The following MCTP1 variants were observed in gnomAD, a reference collection of about 807,000 sequenced individuals.
The protein encoded by MCTP1 is multiple C2 and transmembrane domain containing 1, also known as multiple C2 and transmembrane domain-containing protein 1.
In MCTP1, 69 loss-of-function variants were observed where a neutral mutation model predicts 120.6. The observed-to-expected ratio is 0.57, with a 90% CI of 0.47 to 0.70. The LOEUF (loss-of-function observed/expected upper bound fraction) is 0.70, where lower values mean the gene tolerates loss of function less well. MCTP1 is among the 30% of genes least tolerant of loss of function. MCTP1 has a pLI of 0.00. For missense variants in MCTP1, 1,203 were observed against 1,248.8 expected (o/e 0.96, Z 0.55); for synonymous variants, 529 against 493.1 (o/e 1.07, Z -0.96).
At chr5:95,261,587 G>C (rs1758474819) in intron 1 of MCTP1, among the ~76,000 whole-genome samples, 1 of 152,188 alleles carries the variant, frequency 6.6e-6, no homozygotes, top group African/African-American at 2.4e-5. Context: ...TTTTAAGCCT[G>C]GGTGTAACCC....
chr5:95,251,064 C>A (rs191396921), intron 1 of MCTP1, among the ~76,000 whole-genome samples: 203 of 152,182 alleles, frequency 1.3e-3, no homozygotes, highest in Admixed American at 2.1e-3. Context: ...TTTTGGTAAA[C>A]ACAGATTTAG....
At chr5:95,024,949 T>C (rs1838959101) in intron 1 of MCTP1, among the ~76,000 whole-genome samples, 2 of 152,176 alleles carry the variant, frequency 1.3e-5, no homozygotes, top group African/African-American at 2.4e-5. Flanking sequence ...ATTGTACATA[T>C]TCATGGATTA....
chr5:95,129,532 G>C (rs1310216657), intron 1 of MCTP1, among the ~76,000 whole-genome samples: 1 of 152,250 alleles, frequency 6.6e-6, no homozygotes, highest in African/African-American at 2.4e-5. Flanking sequence ...TTACTTCTGA[G>C]TATGTCTGTG....
chr5:94,993,753 T>C (rs1045709704), intron 2 of MCTP1, among the ~76,000 whole-genome samples: 1 of 152,174 alleles, frequency 6.6e-6, no homozygotes, highest in Non-Finnish European at 1.5e-5. Context: ...GCCTCTGATC[T>C]AGAAACTTTG....
intron 1 of MCTP1, among the ~76,000 whole-genome samples, chr5:95,172,628 T>A (rs1196017175): frequency 1.3e-5 from 2 of 152,048 alleles, no homozygotes; most frequent in African/African-American, 4.8e-5. Context: ...TAGCACTACA[T>A]GAGGCACTGC....
At chr5:94,757,398 T>C (rs1770169208) in intron 19 of MCTP1, among the ~76,000 whole-genome samples, 1 of 152,170 alleles carries the variant, frequency 6.6e-6, no homozygotes, top group South Asian at 2.1e-4. Flanking sequence ...GCAAAGTCAA[T>C]AGAATTTTGA....
chr5:94,952,602 CTAGAGATGTAAATTAAAGA>C (rs1340112718), intron 3 of MCTP1, among the ~76,000 whole-genome samples: 1 of 152,046 alleles, frequency 6.6e-6, no homozygotes, highest in Non-Finnish European at 1.5e-5. Context: ...ATATAAGTAC[CTAGAGATGTAAATTAAAGA>C]AAAGCTGGGC....
chr5:94,840,476 A>AT (rs1790773337), intron 17 of MCTP1, among the ~76,000 whole-genome samples: 1 of 152,138 alleles, frequency 6.6e-6, no homozygotes, highest in Non-Finnish European at 1.5e-5. Flanking sequence ...GTGAGAAGAG[A>AT]TTTTAACCGC....
At chr5:94,908,980 A>C (rs1807700544) in intron 10 of MCTP1, among the ~76,000 whole-genome samples, 1 of 152,088 alleles carries the variant, frequency 6.6e-6, no homozygotes, top group African/African-American at 2.4e-5. Flanking sequence ...ATATCAGATG[A>C]AATTCCTCTT....
chr5:94,725,632 G>A lies in MCTP1; in HGVS notation c.2611-10746C>T, dbSNP rs1237210267. Among the ~76,000 whole-genome samples the A allele has an allele frequency of 2.0e-5, 3 of 152,226 alleles. No individual in the cohort carries two copies. The East Asian group carries it at 5.8e-4, about 29-fold the overall frequency. On this transcript the variant is annotated intron_variant, in intron 19 of 22. Transcript: ENST00000515393. Reference sequence around the variant, plus strand: ...AGAAGGCAGTTGAGAGTTTAGAGAAGGAGGTGGGTACTAGATGACCATATT... The same window carrying A: ...AGAAGGCAGTTGAGAGTTTAGAGAAAGAGGTGGGTACTAGATGACCATATT...
At chr5:94,867,982 C>T (rs566296487) in intron 17 of MCTP1, 7 of 165,526 alleles carry the variant, frequency 4.2e-5, no homozygotes, top group East Asian at 1.7e-4. Context: ...TGAGAATGGT[C>T]GAGATTATTA....
At chr5:95,268,501 G>A (rs1170696253) in intron 1 of MCTP1, among the ~76,000 whole-genome samples, 2 of 152,202 alleles carry the variant, frequency 1.3e-5, no homozygotes, top group Non-Finnish European at 2.9e-5. Flanking sequence ...TAAAGTTATA[G>A]GAAATAGACA....
intron 1 of MCTP1, among the ~76,000 whole-genome samples, chr5:95,125,835 C>T (rs1188372751): frequency 6.6e-6 from 1 of 152,038 alleles, no homozygotes; most frequent in East Asian, 1.9e-4. Flanking sequence ...TCTGAAAAAG[C>T]CAATTCAATT....
Position 95,207,023 on chromosome 5 carries a change from T to A in MCTP1, c.720+76833A>T, listed in dbSNP as rs533251597. Among the ~76,000 whole-genome samples the A allele has an allele frequency of 2.6e-5, 4 of 152,302 alleles. No individual in the cohort carries two copies. The South Asian group carries it at 8.3e-4, about 32-fold the overall frequency. On this transcript the variant is annotated intron_variant, in intron 1 of 22. Transcript: ENST00000515393. Reference sequence around the variant, plus strand: ...TGTCTTTTTATATCCATCCAATAGATCAATGATTTTCAGGGATTTTGTTAT... The same window carrying A: ...TGTCTTTTTATATCCATCCAATAGAACAATGATTTTCAGGGATTTTGTTAT...
At chr5:94,825,969 C>A (rs1786968919) in intron 17 of MCTP1, 1 of 243,008 alleles carries the variant, frequency 4.1e-6, no homozygotes, top group South Asian at 6.9e-5. Flanking sequence ...GATCATTCTT[C>A]TAATAAGCCT....
chr5:94,947,848 C>A (rs1294188497), intron 3 of MCTP1, among the ~76,000 whole-genome samples: 1 of 150,688 alleles, frequency 6.6e-6, no homozygotes, highest in African/African-American at 2.4e-5. Flanking sequence ...CTTGAACCTC[C>A]TGAGTTCAAG....
At chr5:94,990,702 A>G (rs191164255) in intron 2 of MCTP1, among the ~76,000 whole-genome samples, 1 of 152,344 alleles carries the variant, frequency 6.6e-6, no homozygotes, top group Non-Finnish European at 1.5e-5. Context: ...ATCCACTCTG[A>G]AGGGGAGGGA....
intron 19 of MCTP1, among the ~76,000 whole-genome samples, chr5:94,741,685 C>T (rs1765563122): frequency 6.6e-6 from 1 of 152,198 alleles, no homozygotes; most frequent in Admixed American, 6.5e-5. Flanking sequence ...CAGCCCATGC[C>T]ACCAAGGTAA....
At chr5:95,169,067 C>G (rs144513030) in intron 1 of MCTP1, among the ~76,000 whole-genome samples, 2,421 of 150,848 alleles carry the variant, frequency 0.016, 59 homozygotes, top group African/African-American at 0.055. Flanking sequence ...TTTGAGATAC[C>G]TCCCATCAAT....
Sources: gnomAD v4.1 joint callset for allele counts (sites outside exome capture counted in the v4.1 genomes callset) on GRCh38, gnomAD v4.1.1 for gene constraint, MANE v1.5 for transcripts, NCBI Gene and HGNC (gene_info 2026-07-23, HGNC 2026-07-21) for gene names.